Variants in VPS26C observed in about 807,000 individuals in gnomAD.
VPS26C encodes the protein VPS26 endosomal protein sorting factor C.
A neutral mutation model predicts 30.6 loss-of-function variants in VPS26C; 19 were observed. That is an observed-to-expected ratio of 0.62 (90% CI 0.43 to 0.91). The LOEUF (loss-of-function observed/expected upper bound fraction) is 0.91, where lower values mean the gene tolerates loss of function less well. VPS26C is among the 40% of genes least tolerant of loss of function. The pLI is 0.00. For missense variants in VPS26C, 318 were observed against 385.1 expected (o/e 0.83, Z 1.46); for synonymous variants, 132 against 151.5 (o/e 0.87, Z 0.95).
At position 37,238,644 on chromosome 21, in the gene VPS26C, C is replaced by T. The variant is rs766802660; in HGVS notation, c.202-35G>A. The T allele has an allele frequency of 1.9e-5, 30 of 1,608,112 alleles. No homozygotes were observed. In the South Asian group the frequency reaches 2.4e-4, roughly 13 times the overall value. On this transcript the variant is annotated intron_variant, in intron 2 of 7. Transcript: ENST00000309117. ...AAAATCAGTTCAGTCCATCAGCACA[C>T]ACTTGGAAATGTCCTTTCCAATTAC... is the stretch of plus-strand genomic sequence containing the variant.
In VPS26C at chr21:37,257,192, G is replaced by A. The variant is rs879770864; in HGVS notation, c.57+10046C>T. On this transcript the variant is annotated intron_variant, in intron 1 of 7. Coordinates refer to ENST00000309117, the MANE Select transcript of VPS26C (RefSeq NM_006052.2). The surrounding 1 kb of genome is among the most constrained non-coding windows in gnomAD (Gnocchi z 4.2). The stretch of plus-strand genomic sequence containing the variant: ...GCAAATATATGTAAAAATAGGAAGT[G>A]CGGTTTCCCAAAATGAGGTCTGTAA... Among the ~76,000 whole-genome samples, 3 of 152,172 alleles carry A rather than the reference G, an allele frequency of 2.0e-5. No homozygotes were observed. The highest frequency in any genetic ancestry group is 2.9e-5 in the Non-Finnish European group (2 of 68,018).
chr21:37,240,528 C>G lies in VPS26C; in HGVS notation c.169G>C (p.Gly57Arg). 6.2e-7 allele frequency: 1 copy of G among 1,614,078 alleles called. No homozygotes were observed. The highest frequency in any genetic ancestry group is 8.5e-7 in the Non-Finnish European group (1 of 1,180,028). ...VNLQLSAKSV[G>R]VFEAFYNSVK... The stretch of plus-strand genomic sequence containing the variant: ...GAATTATAAAAAGCTTCAAACACAC[C>G]CACACTTTTGGCACTGAGCTGGAGG... The change falls in exon 2 of 8, where the codon GGT becomes CGT. Residue 57 changes from glycine to arginine, a missense_variant. By Grantham distance (125) the Gly-to-Arg change is moderately radical. Coordinates refer to ENST00000309117, the MANE Select transcript of VPS26C (RefSeq NM_006052.2).
At chr21:37,238,868 C>G (rs768706783) in intron 2 of VPS26C, among the ~76,000 whole-genome samples, 2 of 152,212 alleles carry the variant, frequency 1.3e-5, no homozygotes, top group Non-Finnish European at 2.9e-5. Flanking sequence ...ACATCCCTCT[C>G]TCCTCCCCAG....
intron 1 of VPS26C, among the ~76,000 whole-genome samples, chr21:37,259,021 G>C (rs1018722177): frequency 6.6e-6 from 1 of 152,110 alleles, no homozygotes; most frequent in Non-Finnish European, 1.5e-5. Flanking sequence ...GGCAGAAGAA[G>C]AGACCTACTT....
Position 37,229,775 on chromosome 21 carries a change from G to A in VPS26C, c.508-1402C>T, listed in dbSNP as rs934213237. 5.3e-5 allele frequency among the ~76,000 whole-genome samples: 8 copies of A among 152,334 alleles called. No homozygotes were observed. In the East Asian group the frequency reaches 1.3e-3, roughly 26 times the overall value. On this transcript the variant is annotated intron_variant, in intron 5 of 7. Coordinates refer to ENST00000309117, the MANE Select transcript of VPS26C (RefSeq NM_006052.2). Reference sequence around the variant, plus strand: ...GCTGGTGGCCACCTGATCAGGCAGTGAAGCTCTGGACCTGAAAAGCCCGGG... The same window carrying A: ...GCTGGTGGCCACCTGATCAGGCAGTAAAGCTCTGGACCTGAAAAGCCCGGG...
At chr21:37,254,811 AAAAT>A (rs201561723) in intron 1 of VPS26C, among the ~76,000 whole-genome samples, 11 of 148,614 alleles carry the variant, frequency 7.4e-5, no homozygotes, top group Admixed American at 6.9e-5. Flanking sequence ...CTAGAAAAAA[AAAAT>A]AAATAAAAGA....
At position 37,223,833 on chromosome 21, in the gene VPS26C, G is replaced by A. The variant is rs1305833256; in HGVS notation, c.*1711C>T. 7 of 149,166 alleles carry A rather than the reference G, an allele frequency of 4.7e-5. No homozygotes were observed. Among genetic ancestry groups the A allele is most frequent in the South Asian group, 2.2e-4 (1 of 4,488 alleles). The allele number at this position is 149,166 out of a possible 1,614,324, so 9.2% of individuals were successfully genotyped here. On this transcript the variant is annotated 3_prime_UTR_variant, in exon 8 of 8. Coordinates refer to ENST00000309117, the MANE Select transcript of VPS26C (RefSeq NM_006052.2). ...ACAGCTTGGGAGGTCTTTGGCCTGA[G>A]CCTGTTTTGGCCAAGCCCATCCAGA... is the stretch of plus-strand genomic sequence containing the variant.
intron 1 of VPS26C, among the ~76,000 whole-genome samples, chr21:37,266,600 G>A (rs537069138): frequency 2.0e-5 from 3 of 152,334 alleles, no homozygotes; most frequent in Admixed American, 6.5e-5. Flanking sequence ...GCCCAAGGAG[G>A]TTAAATGACT....
chr21:37,238,655 G>A (rs774833084), intron 2 of VPS26C, 46 bp from the exon 3 acceptor site: 2 of 1,601,024 alleles, frequency 1.2e-6, no homozygotes, highest in Non-Finnish European at 1.7e-6. Flanking sequence ...ACTTGGAAAT[G>A]TCCTTTCCAA....
intron 3 of VPS26C, among the ~76,000 whole-genome samples, chr21:37,236,839 A>G (rs2086030133): frequency 6.6e-6 from 1 of 152,214 alleles, no homozygotes; most frequent in African/African-American, 2.4e-5. Context: ...GGTAGGGGCA[A>G]TTATTCCCTT....
intron 1 of VPS26C, among the ~76,000 whole-genome samples, chr21:37,264,092 A>T (rs548638568): frequency 1.3e-5 from 2 of 152,332 alleles, no homozygotes; most frequent in South Asian, 4.1e-4. Flanking sequence ...AGTCTAGCAC[A>T]TGAGTCATGG....
chr21:37,264,594 G>C (rs2086339933), intron 1 of VPS26C, among the ~76,000 whole-genome samples: 1 of 152,170 alleles, frequency 6.6e-6, no homozygotes, highest in African/African-American at 2.4e-5. Flanking sequence ...TGCATATATA[G>C]TCTCCTGTCA....
chr21:37,251,096 G>A (rs931197653), intron 1 of VPS26C, among the ~76,000 whole-genome samples: 2 of 152,118 alleles, frequency 1.3e-5, no homozygotes, highest in African/African-American at 4.8e-5. Context: ...TCATTACATT[G>A]TGTTGCCAGA....
chr21:37,252,668 A>G (rs1248221016), intron 1 of VPS26C, among the ~76,000 whole-genome samples: 1 of 152,234 alleles, frequency 6.6e-6, no homozygotes. Context: ...TTTATTCATC[A>G]TCACCCAAAC....
In VPS26C at chr21:37,233,557, A is replaced by C. The variant is rs895160497; in HGVS notation, c.352-115T>G. ...TATTTTAGGGAAATGTTGTACAATC[A>C]GTGCATTATAGAAAATTAACATACA... On this transcript the variant is annotated intron_variant, in intron 3 of 7. Transcript: ENST00000309117. The surrounding 1 kb of genome is among the most constrained non-coding windows in gnomAD (Gnocchi z 5.2). 4.3e-6 allele frequency: 3 copies of C among 701,106 alleles called. No individual in the cohort carries two copies. The highest frequency in any genetic ancestry group is 7.6e-6 in the Non-Finnish European group (3 of 393,052). 43.4% of individuals were successfully genotyped at this position (701,106 alleles called of 1,614,324 possible). A position where few individuals can be genotyped will look rare whatever the true frequency, so the allele number is the denominator to read the frequency against.
chr21:37,228,089 T>C (rs2085921448), intron 6 of VPS26C, 134 bp downstream of exon 6: 1 of 1,333,682 alleles, frequency 7.5e-7, no homozygotes, highest in South Asian at 1.4e-5. Flanking sequence ...CCCTCCCACC[T>C]CAGCCTCCTG....
chr21:37,232,424 G>C lies in VPS26C; in HGVS notation c.460C>G (p.Pro154Ala), dbSNP rs1014797290. Residue 154 changes from proline to alanine, a missense_variant, in exon 5 of 8, where the codon CCC (proline) becomes GCC (alanine). By Grantham distance (27) the Pro-to-Ala change is conservative. Transcript: ENST00000309117. ...APQKGKFTPS[P>A]VDFTITPETL... ...TCAGGTGTAATCGTGAAGTCCACGG[G>C]ACTGGGAGTAAACTTCCCCTTCTGA... 3.1e-6 allele frequency: 5 copies of C among 1,614,218 alleles called. No homozygotes were observed. The highest frequency in any genetic ancestry group is 4.2e-6 in the Non-Finnish European group (5 of 1,180,030).
Position 37,225,202 on chromosome 21 carries a change from C to T in VPS26C, c.*342G>A, listed in dbSNP as rs775212876. ...GTTTCCTTTTGTCCCCATGATGCCA[C>T]TCTCCAGCAAGCTCAAACTGCTGTC... On this transcript the variant is annotated 3_prime_UTR_variant, in exon 8 of 8. Transcript: ENST00000309117. 16 of 282,250 alleles carry T rather than the reference C, an allele frequency of 5.7e-5. No individual in the cohort carries two copies. The highest frequency in any genetic ancestry group is 1.0e-4 in the Non-Finnish European group (15 of 143,256). 17.5% of individuals were successfully genotyped at this position (282,250 alleles called of 1,614,324 possible). A position where few individuals can be genotyped will look rare whatever the true frequency, so the allele number is the denominator to read the frequency against.
At chr21:37,228,530 C>T (rs1347232696) in intron 5 of VPS26C, 157 bp from the exon 6 acceptor site, 15 of 710,012 alleles carry the variant, frequency 2.1e-5, no homozygotes, top group Middle Eastern at 2.5e-4. Flanking sequence ...GAAGTACTGA[C>T]GTCTTGGACA....
Sources: gnomAD v4.1 joint callset for allele counts (sites outside exome capture counted in the v4.1 genomes callset) on GRCh38, gnomAD v4.1.1 for gene constraint, Gnocchi (gnomAD v3.1) non-coding constraint, MANE v1.5 for transcripts, NCBI Gene and HGNC (gene_info 2026-07-23, HGNC 2026-07-21) for gene names.